Variants in MYO1D observed in about 807,000 individuals in gnomAD.
The protein encoded by MYO1D is myosin ID, also known as unconventional myosin-Id.
In MYO1D, 83 loss-of-function variants were observed where a neutral mutation model predicts 122.0. That is an observed-to-expected ratio of 0.68 (90% CI 0.57 to 0.82). The LOEUF is 0.82. Among genes scored for constraint, MYO1D ranks in the 40% least tolerant of loss-of-function variants. MYO1D has a pLI of 0.00. For missense variants in MYO1D, 1,157 were observed against 1,269.5 expected (o/e 0.91, Z 1.35); for synonymous variants, 464 against 446.9 (o/e 1.04, Z -0.48).
intron 15 of MYO1D, among the ~76,000 whole-genome samples, chr17:32,714,499 A>T (rs1285599928): frequency 6.6e-6 from 1 of 152,058 alleles, no homozygotes; most frequent in African/African-American, 2.4e-5. Context: ...GGTTGATTCC[A>T]TGTCTTTGCT....
chr17:32,738,249 T>A lies in MYO1D; in HGVS notation c.1746+4A>T, dbSNP rs138625419. On this transcript the variant is annotated splice_donor_region_variant and intron_variant, in intron 14 of 21. Transcript: ENST00000318217. ...AATGGATATTTAGAAAAGAAAATAA[T>A]TACCTTTGATGCAAGGTTGTCTACT... The A allele has an allele frequency of 2.0e-4, 313 of 1,584,150 alleles. 1 individual carries two copies. In the African/African-American group the frequency reaches 3.7e-3, roughly 19 times the overall value.
chr17:32,872,269 G>C (rs1299516418), intron 1 of MYO1D, among the ~76,000 whole-genome samples: 1 of 151,898 alleles, frequency 6.6e-6, no homozygotes, highest in Non-Finnish European at 1.5e-5. Flanking sequence ...ACACAAGCAG[G>C]TTTTATTTAT....
At chr17:32,602,923 T>C (rs2087579298) in intron 21 of MYO1D, among the ~76,000 whole-genome samples, 1 of 152,126 alleles carries the variant, frequency 6.6e-6, no homozygotes, top group African/African-American at 2.4e-5. Context: ...AAAATCAAAT[T>C]AACCTTTTCC....
intron 21 of MYO1D, among the ~76,000 whole-genome samples, chr17:32,539,619 G>C (rs1185530146): frequency 6.6e-6 from 1 of 152,022 alleles, no homozygotes; most frequent in Non-Finnish European, 1.5e-5. Context: ...TCTTCCCACT[G>C]CCTTCTCTGT....
intron 1 of MYO1D, among the ~76,000 whole-genome samples, chr17:32,785,418 TA>T (rs1295593902): frequency 1.3e-5 from 2 of 152,238 alleles, no homozygotes; most frequent in Non-Finnish European, 2.9e-5. Context: ...AGGTGTTGCT[TA>T]ATCACACTGA....
At chr17:32,647,456 G>A (rs1157638630) in intron 19 of MYO1D, among the ~76,000 whole-genome samples, 1 of 152,198 alleles carries the variant, frequency 6.6e-6, no homozygotes, top group East Asian at 1.9e-4. Context: ...GTAAAGACAT[G>A]TTCTCTGTCA....
At position 32,519,890 on chromosome 17, in the gene MYO1D, C is replaced by CT. The variant is rs766404850; in HGVS notation, c.2865-24976dup. ...AATGGAGATGTGGGTAAACAGCAGG[C>CT]TTTTTTTTTTTAAAAAAAAAAACCA... On this transcript the variant is annotated intron_variant, in intron 21 of 21. Transcript: ENST00000318217. Among the ~76,000 whole-genome samples the CT allele has an allele frequency of 8.5e-3, 789 of 92,790 alleles. 4 individuals carry two copies. Among genetic ancestry groups the CT allele is most frequent in the African/African-American group, 0.027 (494 of 18,046 alleles). The allele number at this position is 92,790 out of a possible 152,430, so 60.9% of individuals were successfully genotyped here.
At chr17:32,718,984 TTAG>T (rs2089478394) in intron 15 of MYO1D, among the ~76,000 whole-genome samples, 1 of 152,228 alleles carries the variant, frequency 6.6e-6, no homozygotes, top group Non-Finnish European at 1.5e-5. Context: ...GCCTAGATAC[TTAG>T]TAGGCATTTC....
chr17:32,753,209 A>G (rs539250421), intron 11 of MYO1D, among the ~76,000 whole-genome samples: 1 of 151,968 alleles, frequency 6.6e-6, no homozygotes, highest in East Asian at 1.9e-4. Flanking sequence ...ATGCATATGC[A>G]TGAACACAAA....
chr17:32,604,035 A>C (rs570641118), intron 21 of MYO1D, among the ~76,000 whole-genome samples: 73 of 152,204 alleles, frequency 4.8e-4, no homozygotes, highest in South Asian at 1.2e-3. Context: ...CTAGAATGTA[A>C]GGTGTAATAA....
At chr17:32,694,131 T>C (rs1447314722) in intron 16 of MYO1D, among the ~76,000 whole-genome samples, 1 of 152,246 alleles carries the variant, frequency 6.6e-6, no homozygotes, top group East Asian at 1.9e-4. Context: ...ATTTACTAAA[T>C]GTCTTACGGA....
At chr17:32,527,975 A>G (rs1910397252) in intron 21 of MYO1D, among the ~76,000 whole-genome samples, 1 of 152,032 alleles carries the variant, frequency 6.6e-6, no homozygotes, top group Admixed American at 6.6e-5. Flanking sequence ...AGTAGCTGGA[A>G]TTACAGGCGC....
chr17:32,502,607 T>C (rs1909352695), intron 21 of MYO1D, among the ~76,000 whole-genome samples: 1 of 152,196 alleles, frequency 6.6e-6, no homozygotes, highest in Non-Finnish European at 1.5e-5. Flanking sequence ...AAAATTAGAA[T>C]TTGCCTTCAA....
At chr17:32,569,133 G>A (rs111579073) in intron 21 of MYO1D, among the ~76,000 whole-genome samples, 1,826 of 152,276 alleles carry the variant, frequency 0.012, 35 homozygotes, top group African/African-American at 0.041. Flanking sequence ...AGATGTTTAT[G>A]ACTAAAATGT....
chr17:32,864,615 T>C (rs1284158852), intron 1 of MYO1D, among the ~76,000 whole-genome samples: 1 of 151,572 alleles, frequency 6.6e-6, no homozygotes, highest in Non-Finnish European at 1.5e-5. Context: ...AAATCTATTT[T>C]AGTGGTTTTT....
chr17:32,847,528 T>A (rs2090949190), intron 1 of MYO1D, among the ~76,000 whole-genome samples: 1 of 152,204 alleles, frequency 6.6e-6, no homozygotes, highest in Non-Finnish European at 1.5e-5. Flanking sequence ...TTATTACTAT[T>A]ATTTTGAGAC....
chr17:32,760,258 C>A, intron 10 of MYO1D, 32 bp downstream of exon 10: 2 of 1,504,912 alleles, frequency 1.3e-6, no homozygotes, highest in Non-Finnish European at 1.8e-6. Context: ...ATGAGAAACA[C>A]ATGAAGGCAT....
intron 1 of MYO1D, among the ~76,000 whole-genome samples, chr17:32,826,045 T>C: frequency 3.6e-5 from 2 of 55,928 alleles, no homozygotes; most frequent in South Asian, 7.9e-4. Flanking sequence ...TGAAACTCCA[T>C]CTTAAAAAAA....
intron 1 of MYO1D, among the ~76,000 whole-genome samples, chr17:32,791,363 CA>C (rs60741553): frequency 0.062 from 3,081 of 49,530 alleles, 31 homozygotes; most frequent in African/African-American, 0.17. Context: ...GACTCCGTCT[CA>C]AAAAAAAAAA....
Sources: gnomAD v4.1 joint callset for allele counts (sites outside exome capture counted in the v4.1 genomes callset) on GRCh38, gnomAD v4.1.1 for gene constraint, MANE v1.5 for transcripts, NCBI Gene and HGNC (gene_info 2026-07-23, HGNC 2026-07-21) for gene names.